Variants in FRMD6 observed in about 807,000 individuals in gnomAD.
FRMD6 encodes the protein FERM domain-containing protein 6.
In FRMD6, 37 loss-of-function variants were observed where a neutral mutation model predicts 73.2. That is an observed-to-expected ratio of 0.51 (90% CI 0.39 to 0.66). The LOEUF (loss-of-function observed/expected upper bound fraction) is 0.66, where lower values mean the gene tolerates loss of function less well. FRMD6 is among the 30% of genes least tolerant of loss of function. FRMD6 has a pLI of 0.00. For synonymous variants in FRMD6, 273 were observed against 282.2 expected, an observed-to-expected ratio of 0.97 and a Z score of 0.33; for missense variants, 714 against 780.5, an observed-to-expected ratio of 0.91 and a Z score of 1.02.
chr14:51,628,980 C>T (rs1319533656), intron 2 of FRMD6, among the ~76,000 whole-genome samples: 2 of 150,414 alleles, frequency 1.3e-5, no homozygotes, highest in Non-Finnish European at 3.0e-5. Context: ...GGGTTCACGC[C>T]ATTCTCCTGC....
chr14:51,728,402 G>T lies in FRMD6; in HGVS notation c.*373G>T. 5.6e-6 allele frequency: 1 copy of T among 179,458 alleles called. No individual in the cohort carries two copies. The highest frequency in any genetic ancestry group is 1.3e-4 in the South Asian group (1 of 7,756). 11.1% of individuals were successfully genotyped at this position (179,458 alleles called of 1,614,324 possible). On this transcript the variant is annotated 3_prime_UTR_variant, in exon 14 of 14. Coordinates refer to ENST00000344768, the MANE Select transcript of FRMD6 (RefSeq NM_001267046.2). Reference sequence around the variant, plus strand: ...TTATCACGTGAAAGATGTTAGATTTGTTTGCTTATAAATTTTTTACCACTC... The same window carrying T: ...TTATCACGTGAAAGATGTTAGATTTTTTTGCTTATAAATTTTTTACCACTC...
intron 2 of FRMD6, among the ~76,000 whole-genome samples, chr14:51,624,699 G>A (rs1382216805): frequency 6.6e-6 from 1 of 152,122 alleles, no homozygotes; most frequent in Admixed American, 6.5e-5. Context: ...CTTCATTTCT[G>A]GCCCCTGAAG....
chr14:51,615,897 A>G (rs536996684), intron 2 of FRMD6, among the ~76,000 whole-genome samples: 3 of 152,240 alleles, frequency 2.0e-5, no homozygotes, highest in African/African-American at 7.2e-5. Flanking sequence ...AAGTAGTTAC[A>G]TGTGGAACTA....
the FRMD6 span, among the ~76,000 whole-genome samples, chr14:51,437,450 G>GCC: frequency 4.6e-5 from 7 of 152,102 alleles, no homozygotes; most frequent in Non-Finnish European, 1.0e-4. Flanking sequence ...CTACAGGCAA[G>GCC]CACCACCACA....
chr14:51,501,094 T>C (rs376344927), intron 1 of FRMD6, among the ~76,000 whole-genome samples: 13 of 152,210 alleles, frequency 8.5e-5, no homozygotes, highest in African/African-American at 2.7e-4. Context: ...ACAATTGGGC[T>C]TAGAATTATA....
At chr14:51,528,826 G>T (rs1046512043) in intron 1 of FRMD6, among the ~76,000 whole-genome samples, 2 of 152,204 alleles carry the variant, frequency 1.3e-5, no homozygotes, top group African/African-American at 4.8e-5. Flanking sequence ...AAACTAGCCA[G>T]TGCATCAAAG....
intron 2 of FRMD6, among the ~76,000 whole-genome samples, chr14:51,601,127 C>A (rs1216970306): frequency 2.0e-5 from 3 of 152,162 alleles, no homozygotes; most frequent in African/African-American, 7.2e-5. Flanking sequence ...ATTTCATGGG[C>A]AGACCTGTCC....
At chr14:51,691,895 A>C (rs1435282210) in intron 2 of FRMD6, among the ~76,000 whole-genome samples, 1 of 152,092 alleles carries the variant, frequency 6.6e-6, no homozygotes, top group Non-Finnish European at 1.5e-5. Context: ...GTGCCTGGCT[A>C]TGTTACTATA....
chr14:51,511,996 G>A (rs1463306386), intron 1 of FRMD6, among the ~76,000 whole-genome samples: 1 of 151,958 alleles, frequency 6.6e-6, no homozygotes, highest in African/African-American at 2.4e-5. Flanking sequence ...TTCTCTTTTG[G>A]TAATAATACT....
At chr14:51,601,222 T>C (rs930909084) in intron 2 of FRMD6, among the ~76,000 whole-genome samples, 1 of 152,142 alleles carries the variant, frequency 6.6e-6, no homozygotes, top group East Asian at 1.9e-4. Context: ...AAGCAAACAC[T>C]GCCACAAGAG....
rs554051312 is a variant in FRMD6 at position 51,508,819 on chromosome 14, C to G, written c.-210+19399C>G. On this transcript the variant is annotated intron_variant, in intron 1 of 14. Coordinates refer to the FRMD6 transcript ENST00000356218. ...TGTTTCTAAGCTAATTTGATGTTCTCTGCCTTGACTTGTCCTTTCACTTGT... is the reference window on the plus strand; with the variant it reads ...TGTTTCTAAGCTAATTTGATGTTCTGTGCCTTGACTTGTCCTTTCACTTGT... Among the ~76,000 whole-genome samples the G allele has an allele frequency of 2.2e-4, 33 of 152,316 alleles. 1 individual carries two copies. In the South Asian group the frequency reaches 6.0e-3, roughly 28 times the overall value.
In FRMD6 at chr14:51,725,850, A is replaced by G; in HGVS notation, c.1564A>G (p.Ser522Gly). Residue 522 changes from serine (S) to glycine (G), a missense_variant, in exon 13 of 14, where the codon AGT becomes GGT. Ser to Gly is a moderately conservative substitution (Grantham distance 56, BLOSUM62 0). Coordinates refer to ENST00000344768, the MANE Select transcript of FRMD6 (RefSeq NM_001267046.2). ...SETVVKLRGQ[S>G]TDSLPQTICR... ...AACAGTTGTTAAGCTTCGTGGCCAGAGTACTGATTCTCTTCCACAGGTATT... is the reference window on the plus strand; with the variant it reads ...AACAGTTGTTAAGCTTCGTGGCCAGGGTACTGATTCTCTTCCACAGGTATT... 6.2e-7 allele frequency: 1 copy of G among 1,613,394 alleles called. No individual in the cohort carries two copies. The highest frequency in any genetic ancestry group is 8.5e-7 in the Non-Finnish European group (1 of 1,179,370).
At chr14:51,513,147 G>A (rs1429696774) in intron 1 of FRMD6, among the ~76,000 whole-genome samples, 1 of 152,184 alleles carries the variant, frequency 6.6e-6, no homozygotes, top group African/African-American at 2.4e-5. Flanking sequence ...CAGAATCACA[G>A]GAGCGGCCTT....
At chr14:51,726,841 G>C (rs1342435304) in intron 13 of FRMD6, among the ~76,000 whole-genome samples, 1 of 152,176 alleles carries the variant, frequency 6.6e-6, no homozygotes, top group African/African-American at 2.4e-5. Context: ...AGTAAAACAT[G>C]CTTCTGGAAC....
chr14:51,627,896 C>G (rs566138979), intron 2 of FRMD6, among the ~76,000 whole-genome samples: 4 of 152,172 alleles, frequency 2.6e-5, no homozygotes, highest in Non-Finnish European at 5.9e-5. Flanking sequence ...GCAGATCCAC[C>G]GGTGCTCAAG....
chr14:51,639,434 C>CAA (rs200501528), intron 2 of FRMD6, among the ~76,000 whole-genome samples: 22 of 144,806 alleles, frequency 1.5e-4, no homozygotes, highest in South Asian at 2.2e-4. Context: ...GACTCCATCT[C>CAA]AAAAAAAAAA....
At chr14:51,688,578 A>G (rs1326815066) in intron 1 of FRMD6, among the ~76,000 whole-genome samples, 1 of 152,198 alleles carries the variant, frequency 6.6e-6, no homozygotes, top group Admixed American at 6.5e-5. Context: ...GTATGGTTAT[A>G]TATACTCTCC....
intron 13 of FRMD6, among the ~76,000 whole-genome samples, chr14:51,727,182 A>G (rs1399393786): frequency 6.6e-6 from 1 of 152,108 alleles, no homozygotes; most frequent in East Asian, 1.9e-4. Flanking sequence ...CTTTATATTC[A>G]ACCCAAGAAT....
intron 1 of FRMD6, among the ~76,000 whole-genome samples, chr14:51,527,554 A>C (rs941394088): frequency 1.3e-5 from 2 of 152,206 alleles, no homozygotes; most frequent in Non-Finnish European, 2.9e-5. Flanking sequence ...CCTGCTTCTC[A>C]TAGAAACAAC....
Sources: allele counts gnomAD v4.1 joint callset (sites outside exome capture counted in the v4.1 genomes callset), GRCh38; gene constraint gnomAD v4.1.1; transcripts MANE v1.5; gene names NCBI Gene and HGNC (gene_info 2026-07-23, HGNC 2026-07-21).